The following MCF2L2 variants were observed in gnomAD, a reference collection of about 807,000 sequenced individuals.
MCF2L2 encodes the protein probable guanine nucleotide exchange factor MCF2L2.
A neutral mutation model predicts 150.2 loss-of-function variants in MCF2L2; 102 were observed. That is an observed-to-expected ratio of 0.68 (90% confidence interval 0.58 to 0.80). The LOEUF is 0.80. MCF2L2 is among the 30% of genes least tolerant of loss of function. The pLI, the probability that MCF2L2 is intolerant of heterozygous loss-of-function variation, is 0.00. For missense variants in MCF2L2, 1,256 were observed against 1,372.8 expected (o/e 0.91, Z 1.34); for synonymous variants, 465 against 491.3 (o/e 0.95, Z 0.71).
At chr3:183,335,851 A>AC (rs1730457726) in intron 5 of MCF2L2, among the ~76,000 whole-genome samples, 1 of 152,074 alleles carries the variant, frequency 6.6e-6, no homozygotes, top group African/African-American at 2.4e-5. Context: ...ACAGAGAGAG[A>AC]CCCCATCTCT....
intron 3 of MCF2L2, chr3:183,379,043 A>G (rs1224419219): frequency 2.4e-6 from 1 of 412,796 alleles, no homozygotes; most frequent in Admixed American, 4.6e-5. Context: ...TCAGTTTTCC[A>G]TCCACCCGAC....
At chr3:183,339,021 G>A (rs766352415) in intron 4 of MCF2L2, 102 bp from the exon 5 acceptor site, 101 of 1,228,462 alleles carry the variant, frequency 8.2e-5, no homozygotes, top group Non-Finnish European at 1.1e-4. Flanking sequence ...GATCACAGAA[G>A]GAAAAGTTAA....
intron 15 of MCF2L2, chr3:183,272,204 T>TA: frequency 1.0e-6 from 1 of 999,984 alleles, no homozygotes; most frequent in Non-Finnish European, 1.2e-6. Context: ...TAGAGTAAGT[T>TA]ACATTTATTT....
chr3:183,354,890 G>A (rs145898705), intron 3 of MCF2L2, among the ~76,000 whole-genome samples: 70 of 152,152 alleles, frequency 4.6e-4, no homozygotes, highest in African/African-American at 1.6e-3. Flanking sequence ...GATCAATAAC[G>A]TAGTCCCTAT....
At chr3:183,344,147 CA>C (rs1577077870) in intron 3 of MCF2L2, among the ~76,000 whole-genome samples, 1 of 151,682 alleles carries the variant, frequency 6.6e-6, no homozygotes, top group South Asian at 2.1e-4. Context: ...CCACCCCCCC[CA>C]AAAAAAGTAC....
intron 14 of MCF2L2, among the ~76,000 whole-genome samples, chr3:183,278,231 TAAAC>T (rs1357820261): frequency 2.0e-5 from 3 of 149,576 alleles, no homozygotes; most frequent in Non-Finnish European, 4.4e-5. Context: ...TATTGTTTAT[TAAAC>T]AAATAAAAAT....
At chr3:183,186,342 C>G (rs559030163) in intron 27 of MCF2L2, among the ~76,000 whole-genome samples, 1 of 152,320 alleles carries the variant, frequency 6.6e-6, no homozygotes, top group East Asian at 1.9e-4. Context: ...CAGCCTCAAC[C>G]TCCTGAGCTC....
chr3:183,314,565 A>G (rs1480686822), intron 7 of MCF2L2, among the ~76,000 whole-genome samples: 1 of 152,128 alleles, frequency 6.6e-6, no homozygotes, highest in Non-Finnish European at 1.5e-5. Context: ...AAGAGATCTC[A>G]AAAATCCCAG....
intron 14 of MCF2L2, among the ~76,000 whole-genome samples, chr3:183,278,046 A>G (rs968606360): frequency 2.6e-5 from 4 of 151,146 alleles, no homozygotes; most frequent in African/African-American, 9.7e-5. Flanking sequence ...TTAGCCGGGC[A>G]TGGTGGCAGG....
At chr3:183,370,706 A>G (rs1364453163) in intron 3 of MCF2L2, among the ~76,000 whole-genome samples, 2 of 152,218 alleles carry the variant, frequency 1.3e-5, no homozygotes, top group Non-Finnish European at 2.9e-5. Context: ...CTAGTTTTTA[A>G]ATAGAGAAGG....
At chr3:183,307,641 AG>A (rs1729162094) in intron 10 of MCF2L2, among the ~76,000 whole-genome samples, 1 of 152,236 alleles carries the variant, frequency 6.6e-6, no homozygotes, top group South Asian at 2.1e-4. Flanking sequence ...CAACTTTTGA[AG>A]TATATACCAA....
chr3:183,413,013 C>T (rs970381038), intron 1 of MCF2L2, among the ~76,000 whole-genome samples: 2 of 152,188 alleles, frequency 1.3e-5, no homozygotes, highest in African/African-American at 4.8e-5. Flanking sequence ...TCTATTGATA[C>T]ATGTATTATA....
chr3:183,310,970 T>A lies in MCF2L2; in HGVS notation c.938A>T (p.His313Leu). Residue 313 changes from histidine to leucine, a missense_variant, in exon 9 of 30, where the codon CAT (histidine) becomes CTT (leucine). Coordinates refer to ENST00000328913, the MANE Select transcript of MCF2L2 (RefSeq NM_015078.4). ...TTGTAGGCACTGGTTAAGCTTCAGA[T>A]GATGCTCAGACCAAAAGTGACTAAA... ...KAFSHFWSEH[H>L]LKLNQCLQLQ... The A allele has an allele frequency of 1.2e-6, 2 of 1,614,150 alleles. No homozygotes were observed. Among genetic ancestry groups the A allele is most frequent in the Non-Finnish European group, 1.7e-6 (2 of 1,179,948 alleles).
chr3:183,233,321 C>T (rs1723645121), intron 15 of MCF2L2, among the ~76,000 whole-genome samples: 1 of 150,976 alleles, frequency 6.6e-6, no homozygotes, highest in African/African-American at 2.4e-5. Flanking sequence ...CATTGCACTC[C>T]AGCCTGGGCA....
At chr3:183,302,835 A>C (rs1412790854) in intron 10 of MCF2L2, among the ~76,000 whole-genome samples, 1 of 151,966 alleles carries the variant, frequency 6.6e-6, no homozygotes, top group Non-Finnish European at 1.5e-5. Flanking sequence ...CCTCTCCCAC[A>C]CTTTAATTCT....
At chr3:183,212,833 C>T (rs147956951) in intron 22 of MCF2L2, among the ~76,000 whole-genome samples, 1,630 of 151,896 alleles carry the variant, frequency 0.011, 20 homozygotes, top group Middle Eastern at 0.041. Flanking sequence ...CCCCATATAA[C>T]GTACCACTAG....
intron 27 of MCF2L2, among the ~76,000 whole-genome samples, chr3:183,189,230 T>C (rs1369503268): frequency 6.6e-6 from 1 of 152,220 alleles, no homozygotes; most frequent in Non-Finnish European, 1.5e-5. Context: ...GTGCAGGCAC[T>C]GGGGTGCCTA....
intron 10 of MCF2L2, among the ~76,000 whole-genome samples, chr3:183,304,600 G>C (rs1432354373): frequency 6.6e-6 from 1 of 151,170 alleles, no homozygotes; most frequent in Non-Finnish European, 1.5e-5. Flanking sequence ...CGAGTAGCTG[G>C]GACTATAGGC....
chr3:183,272,585 T>C, intron 15 of MCF2L2: 1 of 992,752 alleles, frequency 1.0e-6, no homozygotes, highest in South Asian at 4.7e-5. Context: ...AATTTTTAAC[T>C]AATGTCAAAA....
Sources: allele counts gnomAD v4.1 joint callset (sites outside exome capture counted in the v4.1 genomes callset), GRCh38; gene constraint gnomAD v4.1.1; transcripts MANE v1.5; gene names NCBI Gene and HGNC (gene_info 2026-07-23, HGNC 2026-07-21).